The following PSMA1 variants were observed in gnomAD, a reference collection of about 807,000 sequenced individuals.
PSMA1 encodes proteasome subunit alpha type-1.
Under a neutral mutation model 38.4 loss-of-function variants are expected in PSMA1, and 3 were observed. That is an observed-to-expected ratio of 0.08 (90% CI 0.04 to 0.20). The LOEUF (loss-of-function observed/expected upper bound fraction) is 0.20. Among genes scored for constraint, PSMA1 ranks in the 10% least tolerant of loss-of-function variants. The pLI, the probability that PSMA1 is intolerant of heterozygous loss-of-function variation, is 1.00. For synonymous variants in PSMA1, 101 were observed against 107.1 expected (o/e 0.94, Z 0.35); for missense variants, 227 against 325.3 (o/e 0.70, Z 2.32).
intron 1 of PSMA1, among the ~76,000 whole-genome samples, chr11:14,627,809 TTC>T (rs1852933828): frequency 6.6e-6 from 1 of 152,210 alleles, no homozygotes; most frequent in African/African-American, 2.4e-5. Context: ...TATGCCTTTT[TTC>T]TTCCTTGCAA....
intron 2 of PSMA1, among the ~76,000 whole-genome samples, chr11:14,581,679 T>C (rs187459920): frequency 6.6e-6 from 1 of 152,212 alleles, no homozygotes; most frequent in East Asian, 1.9e-4. Flanking sequence ...TCAAAATAGC[T>C]TAAGAAAAAA....
intron 2 of PSMA1, among the ~76,000 whole-genome samples, chr11:14,549,424 G>C (rs537496292): frequency 1.3e-5 from 2 of 152,026 alleles, no homozygotes; most frequent in Non-Finnish European, 2.9e-5. Flanking sequence ...ATTCTTGGCC[G>C]GGCGTGGTGG....
chr11:14,514,196 G>A (rs1851390289), intron 5 of PSMA1: 1 of 1,345,132 alleles, frequency 7.4e-7, no homozygotes. Context: ...CTAAAAAGAT[G>A]CTTAGATGAT....
intron 2 of PSMA1, among the ~76,000 whole-genome samples, chr11:14,592,433 T>A (rs1171787527): frequency 6.6e-6 from 1 of 151,590 alleles, no homozygotes; most frequent in Non-Finnish European, 1.5e-5. Context: ...CTCCCCAGGC[T>A]GGAGTGCAGT....
chr11:14,544,938 T>C (rs1161641142), intron 2 of PSMA1, among the ~76,000 whole-genome samples: 1 of 152,224 alleles, frequency 6.6e-6, no homozygotes, highest in Non-Finnish European at 1.5e-5. Flanking sequence ...TAAACGTGCA[T>C]CAACATTGAT....
intron 2 of PSMA1, among the ~76,000 whole-genome samples, chr11:14,573,520 A>G (rs1036782555): frequency 2.0e-5 from 3 of 152,214 alleles, no homozygotes; most frequent in African/African-American, 7.2e-5. Context: ...TCTCAAAATA[A>G]TAAGAGCTAT....
chr11:14,537,857 C>T (rs1016992794), intron 2 of PSMA1, among the ~76,000 whole-genome samples: 23 of 151,918 alleles, frequency 1.5e-4, no homozygotes, highest in African/African-American at 5.5e-4. Context: ...TACAGATGTG[C>T]ACTGCCACAC....
intron 1 of PSMA1, among the ~76,000 whole-genome samples, chr11:14,625,112 C>A (rs554149805): frequency 1.3e-5 from 2 of 152,276 alleles, no homozygotes; most frequent in African/African-American, 4.8e-5. Flanking sequence ...CATAGAGAAG[C>A]AGATCTGTCC....
intron 2 of PSMA1, among the ~76,000 whole-genome samples, chr11:14,584,381 A>G (rs185019912): frequency 3.7e-4 from 56 of 151,716 alleles, no homozygotes; most frequent in Non-Finnish European, 6.2e-4. Flanking sequence ...TATTTCACAT[A>G]TTTCCCTTAC....
chr11:14,629,040 T>G (rs2133717053), intron 1 of PSMA1, among the ~76,000 whole-genome samples: 1 of 151,486 alleles, frequency 6.6e-6, no homozygotes, highest in African/African-American at 2.4e-5. Flanking sequence ...TAAATTTGTT[T>G]GAGTTCATTG....
Position 14,636,509 on chromosome 11 carries a change from T to A in PSMA1, c.-166+6946A>T, listed in dbSNP as rs559635730. On this transcript the variant is annotated intron_variant, in intron 1 of 10. Coordinates refer to the PSMA1 transcript ENST00000418988. Reference sequence around the variant, plus strand: ...AACAAATCCTCTTCTCTTCTCACACTATATACTCTCATAGGGGATATCTCT... The same window carrying A: ...AACAAATCCTCTTCTCTTCTCACACAATATACTCTCATAGGGGATATCTCT... Among the ~76,000 whole-genome samples, 10 of 152,298 alleles carry A rather than the reference T, an allele frequency of 6.6e-5. No homozygotes were observed. In the East Asian group the frequency reaches 1.5e-3, roughly 24 times the overall value.
intron 2 of PSMA1, among the ~76,000 whole-genome samples, chr11:14,526,368 T>C (rs1294089583): frequency 2.0e-5 from 3 of 152,146 alleles, no homozygotes; most frequent in Non-Finnish European, 4.4e-5. Flanking sequence ...ACAGCCAAAG[T>C]GCAGGGCTGT....
chr11:14,520,580 G>A (rs1019597379), upstream of PSMA1: 16 of 980,300 alleles, frequency 1.6e-5, no homozygotes, highest in East Asian at 4.0e-4. Flanking sequence ...CTGCGGGGCA[G>A]CCCCTGTCAC....
chr11:14,609,426 ATT>A (rs1349599071), intron 2 of PSMA1, among the ~76,000 whole-genome samples: 1 of 152,246 alleles, frequency 6.6e-6, no homozygotes, highest in African/African-American at 2.4e-5. Context: ...GCAAAATTGC[ATT>A]CTTTTGGGGA....
In PSMA1 at chr11:14,610,909, A is replaced by G. The variant is rs1388714135; in HGVS notation, c.21+57T>C. On this transcript the variant is annotated intron_variant, in intron 2 of 10. Coordinates refer to the PSMA1 transcript ENST00000418988. Reference sequence around the variant, plus strand: ...GGTTTTGTTTTGTGGGGGCTCACATAGTGAGATGTGAAATCTATGCATTCT... The same window carrying G: ...GGTTTTGTTTTGTGGGGGCTCACATGGTGAGATGTGAAATCTATGCATTCT... 3.9e-6 allele frequency: 6 copies of G among 1,547,914 alleles called. 1 individual carries two copies. The highest frequency in any genetic ancestry group is 5.4e-6 in the Non-Finnish European group (6 of 1,120,400).
At chr11:14,510,219 G>C (rs1851321316) in intron 8 of PSMA1, among the ~76,000 whole-genome samples, 1 of 151,760 alleles carries the variant, frequency 6.6e-6, no homozygotes. Context: ...AACACTACTG[G>C]CCTCCTTGCC....
chr11:14,603,655 C>T (rs1364542169), intron 2 of PSMA1, among the ~76,000 whole-genome samples: 1 of 152,098 alleles, frequency 6.6e-6, no homozygotes, highest in Admixed American at 6.5e-5. Flanking sequence ...TCAAGTAAGA[C>T]AAAGATGGAA....
chr11:14,592,548 G>A (rs1482785920), intron 2 of PSMA1, among the ~76,000 whole-genome samples: 1 of 152,004 alleles, frequency 6.6e-6, no homozygotes, highest in Non-Finnish European at 1.5e-5. Context: ...ACCACACCCT[G>A]CTAATTTTTT....
intron 9 of PSMA1, among the ~76,000 whole-genome samples, 186 bp from the exon 10 acceptor site, chr11:14,505,434 T>C (rs996016205): frequency 7.9e-5 from 12 of 152,124 alleles, no homozygotes; most frequent in African/African-American, 2.9e-4. Flanking sequence ...TGAGTGCTCA[T>C]GATTTGAGGG....
Sources: gnomAD v4.1 joint callset for allele counts (sites outside exome capture counted in the v4.1 genomes callset) on GRCh38, gnomAD v4.1.1 for gene constraint, MANE v1.5 for transcripts, NCBI Gene and HGNC (gene_info 2026-07-23, HGNC 2026-07-21) for gene names.